Variants in PGAM5 observed in about 807,000 individuals in gnomAD.
The protein encoded by PGAM5 is serine/threonine-protein phosphatase PGAM5, mitochondrial.
In PGAM5, 25 loss-of-function variants were observed where a neutral mutation model predicts 30.6. The observed-to-expected ratio is 0.82, with a 90% CI of 0.60 to 1.14. The LOEUF is 1.14. Among genes scored for constraint, PGAM5 ranks in the 50% most tolerant of loss-of-function variants. PGAM5 has a pLI of 0.00. For missense variants in PGAM5, 384 were observed against 408.5 expected (o/e 0.94, Z 0.52); for synonymous variants, 201 against 179.1 (o/e 1.12, Z -0.98).
In PGAM5 at chr12:132,714,859, C is replaced by T. The variant is rs374915398; in HGVS notation, c.193C>T (p.Arg65Ter). The T allele has an allele frequency of 1.9e-6, 3 of 1,613,360 alleles. No homozygotes were observed. The highest frequency in any genetic ancestry group is 2.5e-6 in the Non-Finnish European group (3 of 1,179,830). Reference protein sequence around the residue: ...PGVWDPNWDRREPLSLINVRK... With the variant: ...PGVWDPNWDR The stretch of plus-strand genomic sequence containing the variant: ...ACATATCTTGTATTTCAACATCAGG[C>T]GAGAACCACTGTCTCTGATCAACGT... Residue 65 changes from arginine (R) to a stop codon, truncating the protein, a stop_gained and splice_region_variant, in exon 2 of 6, where the codon CGA becomes TGA. Coordinates refer to ENST00000498926, the MANE Select transcript of PGAM5 (RefSeq NM_001170543.2). LOFTEE classifies it high-confidence loss of function.
intron 1 of PGAM5, 77 bp downstream of exon 1, chr12:132,711,144 C>G: frequency 9.3e-7 from 1 of 1,077,658 alleles, no homozygotes; most frequent in Non-Finnish European, 1.2e-6. Context: ...GAGATCGGGA[C>G]CAGGTTTAAG....
chr12:132,720,296 T>C (rs2043629959), intron 5 of PGAM5, among the ~76,000 whole-genome samples: 1 of 148,704 alleles, frequency 6.7e-6, no homozygotes, highest in Non-Finnish European at 1.5e-5. Flanking sequence ...CAGAGTCCCC[T>C]GGCTCTAGCC....
Position 132,717,530 on chromosome 12 carries a change from A to G in PGAM5, c.462A>G (p.Ile154Met). The G allele has an allele frequency of 6.2e-7, 1 of 1,610,730 alleles. No homozygotes were observed. The change falls in exon 3 of 6, where the codon ATA becomes ATG. Residue 154 changes from isoleucine (I) to methionine (M), a missense_variant. Ile to Met is a conservative substitution (Grantham distance 10). Transcript: ENST00000498926. ...KIVHSSMTRA[I>M]ETTDIISRHL... ...TCCATTCGTCTATGACGCGCGCCAT[A>G]GAGACCACCGATATCATCAGCCGGC... is the stretch of plus-strand genomic sequence containing the variant.
At position 132,711,022 on chromosome 12, in the gene PGAM5, G is replaced by A; in HGVS notation, c.146G>A (p.Gly49Glu). 2.5e-6 allele frequency: 3 copies of A among 1,215,830 alleles called. No individual in the cohort carries two copies. The highest frequency in any genetic ancestry group is 3.2e-4 in the Middle Eastern group (1 of 3,134). 75.3% of individuals were successfully genotyped at this position (1,215,830 alleles called of 1,614,324 possible). A position where few individuals can be genotyped will look rare whatever the true frequency, so the allele number is the denominator to read the frequency against. Residue 49 changes from glycine (G) to glutamate (E), a missense_variant, in exon 1 of 6, where the codon GGG becomes GAG. By Grantham distance (98) the Gly-to-Glu change is moderately conservative. Coordinates refer to ENST00000498926, the MANE Select transcript of PGAM5 (RefSeq NM_001170543.2). Reference sequence around the variant, plus strand: ...CCGGCTGAGCCGCCGGCCTGGGCGGGGGGCGCGCGGCCGGGCCCCGGTGTC... The same window carrying A: ...CCGGCTGAGCCGCCGGCCTGGGCGGAGGGCGCGCGGCCGGGCCCCGGTGTC... Reference protein sequence around the residue: ...PRPAEPPAWAGGARPGPGVWD... With the variant: ...PRPAEPPAWAEGARPGPGVWD...
In PGAM5 at chr12:132,711,076, G is replaced by A; in HGVS notation, c.191+9G>A. The A allele has an allele frequency of 8.3e-7, 1 of 1,208,882 alleles. No individual in the cohort carries two copies. The highest frequency in any genetic ancestry group is 1.0e-6 in the Non-Finnish European group (1 of 972,600). The allele number at this position is 1,208,882 out of a possible 1,614,324, so 74.9% of individuals were successfully genotyped here. A position where few individuals can be genotyped will look rare whatever the true frequency, so the allele number is the denominator to read the frequency against. ...GACCCCAACTGGGACAGGTGCGCGCGGGGCTGTTTGGGGCCGGGGTCGGGA... is the reference window on the plus strand; with the variant it reads ...GACCCCAACTGGGACAGGTGCGCGCAGGGCTGTTTGGGGCCGGGGTCGGGA... On this transcript the variant is annotated intron_variant, in intron 1 of 5. Coordinates refer to ENST00000498926, the MANE Select transcript of PGAM5 (RefSeq NM_001170543.2).
chr12:132,715,565 C>G (rs544018577), intron 2 of PGAM5, among the ~76,000 whole-genome samples: 252 of 104,518 alleles, frequency 2.4e-3, no homozygotes, highest in Non-Finnish European at 3.6e-3. Context: ...AGCGAGACTC[C>G]GTCTCAAAAA....
intron 1 of PGAM5, chr12:132,711,308 G>T: frequency 3.6e-6 from 1 of 276,918 alleles, no homozygotes; most frequent in Non-Finnish European, 6.7e-6. Flanking sequence ...CCTTCTCCCC[G>T]CCCCTGCGAG....
chr12:132,714,544 C>T (rs528248474), intron 1 of PGAM5, among the ~76,000 whole-genome samples: 6 of 152,304 alleles, frequency 3.9e-5, no homozygotes, highest in East Asian at 1.9e-4. Context: ...TGGCGTTCTC[C>T]GTAACCACAG....
At chr12:132,713,206 G>T (rs1324321075) in intron 1 of PGAM5, among the ~76,000 whole-genome samples, 3 of 152,126 alleles carry the variant, frequency 2.0e-5, no homozygotes, top group Non-Finnish European at 2.9e-5. Context: ...GCTGAGCCCA[G>T]CCTTTCTCTT....
intron 2 of PGAM5, 98 bp from the exon 3 acceptor site, chr12:132,717,338 GTTT>G (rs2043589265): frequency 4.1e-5 from 55 of 1,353,444 alleles, no homozygotes; most frequent in Non-Finnish European, 4.8e-5. Flanking sequence ...AGGAGGGGGT[GTTT>G]GAGGGTGGAG....
At chr12:132,717,291 C>CGGGTTTGCGGGCGGAGGAGGGG in intron 2 of PGAM5, 148 bp from the exon 3 acceptor site, 1 of 830,182 alleles carries the variant, frequency 1.2e-6, no homozygotes, top group Non-Finnish European at 1.6e-6. Context: ...GATCAGGGGT[C>CGGGTTTGCGGGCGGAGGAGGGG]GTGTTTGCGG....
At chr12:132,712,278 C>T (rs1202520270) in intron 1 of PGAM5, among the ~76,000 whole-genome samples, 1 of 152,134 alleles carries the variant, frequency 6.6e-6, no homozygotes, top group African/African-American at 2.4e-5. Flanking sequence ...TCCCACATGA[C>T]AAGTAGTCTT....
intron 2 of PGAM5, among the ~76,000 whole-genome samples, chr12:132,716,619 T>G (rs1411573229): frequency 6.6e-6 from 1 of 152,186 alleles, no homozygotes; most frequent in Non-Finnish European, 1.5e-5. Context: ...ATAGACAGCG[T>G]CCAGGAGGGT....
At chr12:132,719,271 C>T (rs2043619956) in intron 5 of PGAM5, 2 of 1,079,946 alleles carry the variant, frequency 1.9e-6, no homozygotes, top group Non-Finnish European at 2.3e-6. Context: ...CAGGACGGCA[C>T]TGGTCAGTGA....
intron 1 of PGAM5, among the ~76,000 whole-genome samples, chr12:132,713,866 CCT>C (rs2043546784): frequency 6.6e-6 from 1 of 151,874 alleles, no homozygotes; most frequent in Non-Finnish European, 1.5e-5. Flanking sequence ...ACGGGGTCCC[CCT>C]GTGTTGCCCA....
At chr12:132,711,352 G>T (rs761541843) in intron 1 of PGAM5, 1 of 238,190 alleles carries the variant, frequency 4.2e-6, no homozygotes, top group African/African-American at 2.3e-5. Flanking sequence ...AGCGCGGGCC[G>T]GGGCGAGGCT....
chr12:132,713,445 T>C (rs2043541142), intron 1 of PGAM5, among the ~76,000 whole-genome samples: 1 of 152,150 alleles, frequency 6.6e-6, no homozygotes, highest in Non-Finnish European at 1.5e-5. Flanking sequence ...CGGCTTCCTG[T>C]CTCTGTGCCT....
intron 2 of PGAM5, among the ~76,000 whole-genome samples, chr12:132,716,208 C>T (rs1330491195): frequency 2.0e-5 from 3 of 152,024 alleles, no homozygotes; most frequent in African/African-American, 7.2e-5. Flanking sequence ...GCCTCAGGCT[C>T]CCAAGTAGCT....
chr12:132,716,520 C>T (rs1476390260), intron 2 of PGAM5, among the ~76,000 whole-genome samples: 3 of 152,122 alleles, frequency 2.0e-5, no homozygotes, highest in African/African-American at 7.2e-5. Flanking sequence ...TGAGCCACCG[C>T]GCCCGGCCTG....
Sources: gnomAD v4.1 joint callset for allele counts (sites outside exome capture counted in the v4.1 genomes callset) on GRCh38, gnomAD v4.1.1 for gene constraint, MANE v1.5 for transcripts, NCBI Gene and HGNC (gene_info 2026-07-23, HGNC 2026-07-21) for gene names.